DENND4A: variants seen among roughly 807,000 people sequenced by gnomAD.
DENND4A encodes the protein DENN domain containing 4A.
A neutral mutation model predicts 199.3 loss-of-function variants in DENND4A; 70 were observed. The ratio of observed to expected loss-of-function variants is 0.35; its 90% CI spans 0.29 to 0.43. DENND4A has a LOEUF of 0.43. Among genes scored for constraint, DENND4A ranks in the 20% least tolerant of loss-of-function variants. The probability of loss-of-function intolerance (pLI) is 1.00; values close to 1 mark genes in which losing one functional copy is unlikely to be tolerated. For synonymous variants in DENND4A, 686 were observed against 766.9 expected (o/e 0.89, Z 1.74); for missense variants, 1,723 against 2,255.8 (o/e 0.76, Z 4.78).
chr15:65,716,061 A>C (rs1305334857), intron 13 of DENND4A, among the ~76,000 whole-genome samples: 1 of 151,918 alleles, frequency 6.6e-6, no homozygotes, highest in African/African-American at 2.4e-5. Flanking sequence ...AACAGAGAAA[A>C]GGTTTATTTC....
chr15:65,685,109 G>A (rs1041733951), intron 23 of DENND4A, among the ~76,000 whole-genome samples: 5 of 151,126 alleles, frequency 3.3e-5, no homozygotes, highest in Non-Finnish European at 7.4e-5. Flanking sequence ...TTACAGGCAT[G>A]AGCCACCACG....
chr15:65,698,328 GA>G (rs35660217), intron 20 of DENND4A, among the ~76,000 whole-genome samples: 30,822 of 151,950 alleles, frequency 0.2, 4,152 homozygotes, highest in East Asian at 0.73. Context: ...TGTTGCTAAA[GA>G]GGCTCTGCAT....
At chr15:65,712,375 A>C (rs1395257256) in intron 14 of DENND4A, among the ~76,000 whole-genome samples, 2 of 152,186 alleles carry the variant, frequency 1.3e-5, no homozygotes, top group South Asian at 2.1e-4. Flanking sequence ...AAAGGCAAAA[A>C]CAGTCATAAT....
chr15:65,723,945 G>T (rs1316957877), intron 11 of DENND4A, among the ~76,000 whole-genome samples: 1 of 152,036 alleles, frequency 6.6e-6, no homozygotes. Context: ...CTTTATTATA[G>T]CAATTACAAC....
chr15:65,697,492 G>T, intron 20 of DENND4A, 109 bp from the exon 21 acceptor site: 1 of 664,492 alleles, frequency 1.5e-6, no homozygotes, highest in Non-Finnish European at 2.5e-6. Context: ...ATTTTTTTCT[G>T]GACAACTTCC....
At chr15:65,676,694 C>A in intron 23 of DENND4A, 60 bp from the exon 24 acceptor site, 1 of 1,394,748 alleles carries the variant, frequency 7.2e-7, no homozygotes, top group African/African-American at 1.4e-5. Flanking sequence ...ATTAAAAAGT[C>A]ACTTCTAAGG....
intron 3 of DENND4A, among the ~76,000 whole-genome samples, chr15:65,755,751 A>C (rs1404080932): frequency 6.6e-6 from 1 of 152,198 alleles, no homozygotes; most frequent in African/African-American, 2.4e-5. Flanking sequence ...GGTGATAGAG[A>C]TTAACCCTGT....
At position 65,702,215 on chromosome 15, in the gene DENND4A, G is replaced by A. The variant is rs2074898195; in HGVS notation, c.2430+90C>T. The A allele has an allele frequency of 2.8e-6, 3 of 1,062,622 alleles. No individual in the cohort carries two copies. The East Asian group carries it at 7.7e-5, about 27-fold the overall frequency. 65.8% of individuals were successfully genotyped at this position (1,062,622 alleles called of 1,614,324 possible). On this transcript the variant is annotated intron_variant, in intron 17 of 32. Coordinates refer to ENST00000443035, the MANE Select transcript of DENND4A (RefSeq NM_001320835.1). ...GCTCAAGAGGTTAAGACTGCAGTGA[G>A]CCATGACTGCATCACTGCACTCCAG...
chr15:65,745,814 G>A (rs771250857), intron 4 of DENND4A, among the ~76,000 whole-genome samples: 13 of 152,172 alleles, frequency 8.5e-5, no homozygotes, highest in Non-Finnish European at 1.3e-4. Context: ...ACGGGGCTCT[G>A]TAGGAAAGAG....
At chr15:65,704,654 G>A (rs142513644) in intron 15 of DENND4A, among the ~76,000 whole-genome samples, 90 of 152,232 alleles carry the variant, frequency 5.9e-4, no homozygotes, top group African/African-American at 2.0e-3. Flanking sequence ...GCAGTGGCAC[G>A]ATCTCGGCTC....
intron 14 of DENND4A, among the ~76,000 whole-genome samples, chr15:65,707,448 A>T (rs1036015070): frequency 7.9e-5 from 12 of 152,072 alleles, no homozygotes; most frequent in African/African-American, 1.7e-4. Context: ...AGTTTTAAAA[A>T]TTTTCTAACA....
In DENND4A at chr15:65,668,023, T is replaced by C. The variant is rs755938432; in HGVS notation, c.4888A>G (p.Arg1630Gly). The C allele has an allele frequency of 1.9e-6, 3 of 1,612,866 alleles. No individual in the cohort carries two copies. Among genetic ancestry groups the C allele is most frequent in the Admixed American group, 3.4e-5 (2 of 59,650 alleles). Residue 1630 changes from arginine to glycine, a missense_variant, in exon 28 of 33, where the codon AGG becomes GGG. Around this residue, in one of 6 missense-constraint regions of DENND4A, gnomAD observed 141 missense variants for 170.7 expected, o/e 0.83. Transcript: ENST00000443035. Reference sequence around the variant, plus strand: ...AAGGGGCCAGAAGTACTAATACTCCTGGCCATTGGAAATATTGGACATTTA... The same window carrying C: ...AAGGGGCCAGAAGTACTAATACTCCCGGCCATTGGAAATATTGGACATTTA... Reference protein sequence around the residue: ...MSKCPIFPMARSISTSGPLDK... With the variant: ...MSKCPIFPMAGSISTSGPLDK...
At chr15:65,726,830 C>A (rs1030268725) in intron 11 of DENND4A, among the ~76,000 whole-genome samples, 17 of 152,068 alleles carry the variant, frequency 1.1e-4, no homozygotes, top group African/African-American at 4.1e-4. Flanking sequence ...GTGGCACACA[C>A]CTGTAGTCCC....
chr15:65,718,939 C>A (rs963782042), intron 12 of DENND4A, among the ~76,000 whole-genome samples: 2 of 150,874 alleles, frequency 1.3e-5, no homozygotes, highest in African/African-American at 4.9e-5. Flanking sequence ...ATCACCACGC[C>A]CAGCTAATTT....
intron 24 of DENND4A, among the ~76,000 whole-genome samples, chr15:65,673,319 A>G (rs1335181090): frequency 2.0e-5 from 3 of 152,004 alleles, no homozygotes; most frequent in Non-Finnish European, 4.4e-5. Flanking sequence ...AAATACAAAA[A>G]AAGTAGCCAG....
chr15:65,727,075 A>T (rs1325444597), intron 11 of DENND4A, among the ~76,000 whole-genome samples: 1 of 152,240 alleles, frequency 6.6e-6, no homozygotes, highest in East Asian at 1.9e-4. Context: ...ATGCTTTGAG[A>T]TGCCAAGGGG....
At chr15:65,702,650 GTTTC>G in intron 16 of DENND4A, 139 bp from the exon 17 acceptor site, 1 of 918,220 alleles carries the variant, frequency 1.1e-6, no homozygotes, top group Non-Finnish European at 1.6e-6. Context: ...GCGTTTTCAA[GTTTC>G]TTTTTGAATC....
intron 23 of DENND4A, among the ~76,000 whole-genome samples, chr15:65,681,534 T>A (rs1483307123): frequency 6.6e-6 from 1 of 152,108 alleles, no homozygotes; most frequent in African/African-American, 2.4e-5. Context: ...CCTTGACATT[T>A]CTTTTTTCAT....
intron 14 of DENND4A, among the ~76,000 whole-genome samples, chr15:65,713,237 A>G (rs1567035133): frequency 6.6e-6 from 1 of 152,120 alleles, no homozygotes; most frequent in Non-Finnish European, 1.5e-5. Flanking sequence ...TTTCTTCTCC[A>G]TTTTTACTTT....
Sources: allele counts gnomAD v4.1 joint callset (sites outside exome capture counted in the v4.1 genomes callset), GRCh38; gene constraint gnomAD v4.1.1; regional missense constraint gnomAD v4.1.1; transcripts MANE v1.5; gene names NCBI Gene and HGNC (gene_info 2026-07-23, HGNC 2026-07-21).